Variants in TTN observed in about 807,000 individuals in gnomAD.
TTN encodes the protein titin.
A neutral mutation model predicts 3,223.0 loss-of-function variants in TTN; 1,525 were observed. The ratio of observed to expected loss-of-function variants is 0.47; its 90% CI spans 0.45 to 0.49. TTN has a LOEUF of 0.49. Among genes scored for constraint, TTN ranks in the 20% least tolerant of loss-of-function variants. The pLI, the probability that TTN is intolerant of heterozygous loss-of-function variation, is 0.00. For synonymous variants in TTN, 14,094 were observed against 15,161.0 expected (o/e 0.93, Z 5.17); for missense variants, 40,786 against 43,424.0 (o/e 0.94, Z 5.40).
chr2:178,719,295 T>C lies in TTN; in HGVS notation c.24095A>G (p.Gln8032Arg), dbSNP rs529079424. 3 of 1,613,784 alleles carry C rather than the reference T, an allele frequency of 1.9e-6. No individual in the cohort carries two copies. The South Asian group carries it at 3.3e-5, about 18-fold the overall frequency. Reference protein sequence around the residue: ...GNEIVSGPKCQSSFSENVCTL... With the variant: ...GNEIVSGPKCRSSFSENVCTL... ...ACAGACGTTTTCCGAAAAGCTGGAC[T>C]GACATTTGGGCCCACTAACAATCTC... Residue 8032 changes from glutamine to arginine, a missense_variant, in exon 83 of 363, where the codon CAG becomes CGG. Gln to Arg is a conservative substitution (Grantham distance 43, BLOSUM62 1). Coordinates refer to ENST00000589042, the MANE Select transcript of TTN (RefSeq NM_001267550.2).
intron 170 of TTN, 39 bp downstream of exon 170, chr2:178,663,780 A>G (rs986377806): frequency 1.2e-6 from 2 of 1,611,892 alleles, no homozygotes; most frequent in African/African-American, 2.7e-5. Flanking sequence ...TTCAAGAGCA[A>G]AAGAATGAGA....
At position 178,651,327 on chromosome 2, in the gene TTN, A is replaced by G. The variant is rs754490689; in HGVS notation, c.39548-7T>C. The G allele has an allele frequency of 6.2e-7, 1 of 1,611,990 alleles. No homozygotes were observed. The stretch of plus-strand genomic sequence containing the variant: ...TCTTTTGGAACTTCAGGCACTTCAA[A>G]TATATTAGTATTTTAACATTAGAAA... On this transcript the variant is annotated splice_polypyrimidine_tract_variant and splice_region_variant and intron_variant, in intron 207 of 362. Transcript: ENST00000589042.
In TTN at chr2:178,794,412, G is replaced by T. The variant is rs2093664878; in HGVS notation, c.1385C>A (p.Pro462His). Residue 462 changes from proline to histidine, a missense_variant, in exon 8 of 363, where the codon CCT becomes CAT. Pro to His is a moderately conservative substitution (Grantham distance 77). Transcript: ENST00000589042. ...RTTTTAVHIQ[P>H]AQEQVRKEAE... Reference sequence around the variant, plus strand: ...CCTCGCACGTACCTGTTCTTGAGCAGGTTGGATGTGCACAGCAGTCGTGGT... The same window carrying T: ...CCTCGCACGTACCTGTTCTTGAGCATGTTGGATGTGCACAGCAGTCGTGGT... The T allele has an allele frequency of 1.5e-5, 24 of 1,614,202 alleles. No homozygotes were observed. Among genetic ancestry groups the T allele is most frequent in the Non-Finnish European group, 1.9e-5 (23 of 1,180,022 alleles).
Position 178,609,379 on chromosome 2 carries a change from C to G in TTN, c.51931G>C (p.Glu17311Gln). The change falls in exon 273 of 363, where the codon GAA becomes CAA. Residue 17311 changes from glutamate to glutamine, a missense_variant. By Grantham distance (29) the Glu-to-Gln change is conservative. Coordinates refer to ENST00000589042, the MANE Select transcript of TTN (RefSeq NM_001267550.2). ...GTCAGAGGCAGGACAAATGGTTCTT[C>G]TTCTTGAACTTCACCCTTCCTTCTC... ...VRRRKGEVQE[E>Q]EPFVLPLTQR... 1 of 1,612,274 alleles carries G rather than the reference C, an allele frequency of 6.2e-7. No homozygotes were observed.
Position 178,563,798 on chromosome 2 carries a change from A to G in TTN, c.82334T>C (p.Met27445Thr). 1.2e-6 allele frequency: 2 copies of G among 1,613,730 alleles called. No homozygotes were observed. The highest frequency in any genetic ancestry group is 1.7e-6 in the Non-Finnish European group (2 of 1,179,736). Residue 27445 changes from methionine (M) to threonine (T), a missense_variant, in exon 326 of 363, where the codon ATG becomes ACG. Coordinates refer to ENST00000589042, the MANE Select transcript of TTN (RefSeq NM_001267550.2). The surrounding 1 kb of genome is among the most constrained non-coding windows in gnomAD (Gnocchi z 4.5). ...TCCAATTCCATATTTATTCACAGCC[A>G]TGACACGGAAAATGTACTCATTACC... is the stretch of plus-strand genomic sequence containing the variant. ...LPGNEYIFRV[M>T]AVNKYGIGEP... is the part of the protein sequence containing the mutation.
chr2:178,768,224 C>A, intron 38 of TTN, 69 bp from the exon 39 acceptor site: 1 of 1,509,442 alleles, frequency 6.6e-7, no homozygotes, highest in Middle Eastern at 1.8e-4. Flanking sequence ...ACATACTGTA[C>A]AATCCACCAA....
intron 204 of TTN, 30 bp from the exon 205 acceptor site, chr2:178,651,997 A>G (rs762398175): frequency 6.2e-7 from 1 of 1,611,286 alleles, no homozygotes; most frequent in Admixed American, 1.7e-5. Context: ...TTTTAATGCC[A>G]GAATTGACTA....
Position 178,576,495 on chromosome 2 carries a change from G to A in TTN, c.69715+34C>T. 6.2e-7 allele frequency: 1 copy of A among 1,604,422 alleles called. No homozygotes were observed. The highest frequency in any genetic ancestry group is 8.5e-7 in the Non-Finnish European group (1 of 1,177,478). On this transcript the variant is annotated intron_variant, in intron 325 of 362. Coordinates refer to ENST00000589042, the MANE Select transcript of TTN (RefSeq NM_001267550.2). This position sits in a 1 kb window ranked among gnomAD's most constrained non-coding sequence, Gnocchi z 4.3. Reference sequence around the variant, plus strand: ...AATTTAGATAAAATATTGGCACTCTGGAATGAACGGTGTTGAAAAAGACAA... The same window carrying A: ...AATTTAGATAAAATATTGGCACTCTAGAATGAACGGTGTTGAAAAAGACAA...
chr2:178,660,980 A>G (rs1306801261), intron 180 of TTN, among the ~76,000 whole-genome samples: 1 of 117,862 alleles, frequency 8.5e-6, no homozygotes, highest in Non-Finnish European at 1.8e-5. Context: ...ATGAGATACC[A>G]TCTCACACCA....
rs879162731 is a variant in TTN at position 178,601,113 on chromosome 2, A to G, written c.55791T>C (p.His18597=). 3.1e-6 allele frequency: 5 copies of G among 1,591,710 alleles called. No individual in the cohort carries two copies. The highest frequency in any genetic ancestry group is 4.3e-6 in the Non-Finnish European group (5 of 1,169,342). The change falls in exon 288 of 363, where the codon CAT becomes CAC. Residue 18597 remains histidine (H), a synonymous_variant. Coordinates refer to ENST00000589042, the MANE Select transcript of TTN (RefSeq NM_001267550.2). ...CATTCTTCGGGGGTTTCCATGACAGATGCACTGTGTTCTTTGTGATGAGGC... is the reference window on the plus strand; with the variant it reads ...CATTCTTCGGGGGTTTCCATGACAGGTGCACTGTGTTCTTTGTGATGAGGC... ...KIGLITKNTV[H]LSWKPPKNDG...
intron 92 of TTN, 135 bp downstream of exon 92, chr2:178,713,762 G>A: frequency 9.0e-7 from 1 of 1,111,366 alleles, no homozygotes; most frequent in Non-Finnish European, 1.3e-6. Context: ...AGATGGTATT[G>A]CCTCTGAATT....
At position 178,593,037 on chromosome 2, in the gene TTN, G is replaced by A. The variant is rs749494424; in HGVS notation, c.59082C>T (p.Cys19694=). ...GCTGCCAAGTTAGATCGACTGAATT[G>A]CATGTTGTATCTATTGCTTCAGGAT... ...PVNPEAIDTT[C]NSVDLTWQPP... is the part of the protein sequence containing the mutation. The change falls in exon 300 of 363, where the codon TGC becomes TGT. Residue 19694 remains cysteine (C), a synonymous_variant. Transcript: ENST00000589042. The A allele has an allele frequency of 8.7e-6, 14 of 1,613,284 alleles. No individual in the cohort carries two copies. Among genetic ancestry groups the A allele is most frequent in the Non-Finnish European group, 1.2e-5 (14 of 1,179,612 alleles).
At chr2:178,627,158 T>C (rs75328144) in intron 240 of TTN, among the ~76,000 whole-genome samples, 3,256 of 152,104 alleles carry the variant, frequency 0.021, 67 homozygotes, top group East Asian at 0.096. Context: ...ACTTTAATTT[T>C]ATCAAATTTA....
At chr2:178,754,825 G>T (rs1453653001) in intron 46 of TTN, among the ~76,000 whole-genome samples, 4 of 152,182 alleles carry the variant, frequency 2.6e-5, no homozygotes, top group African/African-American at 7.2e-5. Flanking sequence ...GATAGCTATA[G>T]AACAAAATCT....
In TTN at chr2:178,665,583, T is replaced by C; in HGVS notation, c.35960-123A>G. The stretch of plus-strand genomic sequence containing the variant: ...GATTCCTTTAAAGAATCTGAGGAGG[T>C]ATACAATCTTGAGGAGAGGAACCAC... On this transcript the variant is annotated intron_variant, in intron 164 of 362. Coordinates refer to ENST00000589042, the MANE Select transcript of TTN (RefSeq NM_001267550.2). 2.3e-6 allele frequency: 3 copies of C among 1,308,882 alleles called. No homozygotes were observed. In the Admixed American group the frequency reaches 6.2e-5, roughly 27 times the overall value. The allele number at this position is 1,308,882 out of a possible 1,614,324, so 81.1% of individuals were successfully genotyped here. A position where few individuals can be genotyped will look rare whatever the true frequency, so the allele number is the denominator to read the frequency against.
Position 178,650,813 on chromosome 2 carries a change from G to C in TTN, c.39647C>G (p.Pro13216Arg). The change falls in exon 209 of 363, where the codon CCT becomes CGT. Residue 13216 changes from proline (P) to arginine (R), a missense_variant. By Grantham distance (103) the Pro-to-Arg change is moderately radical. Coordinates refer to ENST00000589042, the MANE Select transcript of TTN (RefSeq NM_001267550.2). ...AACAGCTGGTTTCTCTTCCAAGACA[G>C]GTTTCTTTGGCACTTCTGGCACTTT... ...PAKVPEVPKK[P>R]VLEEKPAVPV... The C allele has an allele frequency of 2.5e-6, 4 of 1,606,750 alleles. No homozygotes were observed. In the South Asian group the frequency reaches 3.4e-5, roughly 13 times the overall value.
At position 178,584,454 on chromosome 2, in the gene TTN, C is replaced by T. The variant is rs778285104; in HGVS notation, c.65097G>A (p.Lys21699=). The T allele has an allele frequency of 6.2e-7, 1 of 1,613,276 alleles. No individual in the cohort carries two copies. The highest frequency in any genetic ancestry group is 8.5e-7 in the Non-Finnish European group (1 of 1,179,522). ...TCACCCACAGCAAACTGTTTCTTTCCTTGCGTTCAATCAGATAACCAATAA... is the reference window on the plus strand; with the variant it reads ...TCACCCACAGCAAACTGTTTCTTTCTTTGCGTTCAATCAGATAACCAATAA... ...SPIIGYLIER[K]ERNSLLWVKA... Residue 21699 remains lysine (K), a synonymous_variant, in exon 311 of 363, where the codon AAG becomes AAA. Coordinates refer to ENST00000589042, the MANE Select transcript of TTN (RefSeq NM_001267550.2).
In TTN at chr2:178,542,339, G is replaced by A. The variant is rs371924787; in HGVS notation, c.97417C>T (p.Arg32473Cys). 36 of 1,613,118 alleles carry A rather than the reference G, an allele frequency of 2.2e-5. 1 individual carries two copies. The highest frequency in any genetic ancestry group is 2.3e-5 in the Non-Finnish European group (27 of 1,179,574). ...CCGAAGCGGTTTGTTGCAGCCACAC[G>A]GAACACATACTCATTTCCTTCGGTG... Reference protein sequence around the residue: ...RLTEGNEYVFRVAATNRFGIG... With the variant: ...RLTEGNEYVFCVAATNRFGIG... Residue 32473 changes from arginine (R) to cysteine (C), a missense_variant, in exon 349 of 363, where the codon CGT becomes TGT. Transcript: ENST00000589042.
At chr2:178,754,481 C>T (rs936386879) in intron 46 of TTN, among the ~76,000 whole-genome samples, 1 of 152,028 alleles carries the variant, frequency 6.6e-6, no homozygotes, top group Non-Finnish European at 1.5e-5. Flanking sequence ...GCAAAAGAGC[C>T]GAGTTCAAAT....
Sources: gnomAD v4.1 joint callset for allele counts (sites outside exome capture counted in the v4.1 genomes callset) on GRCh38, gnomAD v4.1.1 for gene constraint, Gnocchi (gnomAD v3.1) non-coding constraint, MANE v1.5 for transcripts, NCBI Gene and HGNC (gene_info 2026-07-23, HGNC 2026-07-21) for gene names.